Variants in SLC25A15 observed in about 807,000 individuals in gnomAD.
SLC25A15 encodes solute carrier family 25 member 15, also known as mitochondrial ornithine transporter 1.
Under a neutral mutation model 32.3 loss-of-function variants are expected in SLC25A15, and 24 were observed. The observed-to-expected ratio is 0.74, with a 90% confidence interval of 0.54 to 1.04. SLC25A15 has a LOEUF of 1.04. Ranked by LOEUF, SLC25A15 falls within the 50% of genes least tolerant of loss-of-function variation. SLC25A15 has a pLI of 0.00. For missense variants in SLC25A15, 317 were observed against 374.5 expected (o/e 0.85, Z 1.27); for synonymous variants, 132 against 142.1 (o/e 0.93, Z 0.51).
At position 40,810,635 on chromosome 13, in the gene SLC25A15, C is replaced by G. The variant is rs753226524; in HGVS notation, c.*968C>G. On this transcript the variant is annotated 3_prime_UTR_variant, in exon 7 of 7. Coordinates refer to ENST00000338625, the MANE Select transcript of SLC25A15 (RefSeq NM_014252.4). ...GCTCTACTCTTAAAATAGTGCCATT[C>G]ATTTTCTAGGTGGGATCATATTCCA... 1 of 414,560 alleles carries G rather than the reference C, an allele frequency of 2.4e-6. No homozygotes were observed. The highest frequency in any genetic ancestry group is 2.1e-5 in the African/African-American group (1 of 48,444). 25.7% of individuals were successfully genotyped at this position (414,560 alleles called of 1,614,324 possible). A position where few individuals can be genotyped will look rare whatever the true frequency, so the allele number is the denominator to read the frequency against.
At chr13:40,791,813 C>T (rs1247107519) in intron 1 of SLC25A15, among the ~76,000 whole-genome samples, 1 of 152,146 alleles carries the variant, frequency 6.6e-6, no homozygotes, top group Non-Finnish European at 1.5e-5. Flanking sequence ...GTTGTTGCCA[C>T]TGGTTTTAAA....
At chr13:40,808,839 A>G (rs561276907) in intron 6 of SLC25A15, among the ~76,000 whole-genome samples, 4 of 148,886 alleles carry the variant, frequency 2.7e-5, no homozygotes, top group African/African-American at 5.2e-5. Flanking sequence ...GGAGGCTGAG[A>G]CAGGAGAATG....
At chr13:40,791,719 T>G (rs891039185) in intron 1 of SLC25A15, among the ~76,000 whole-genome samples, 2 of 152,208 alleles carry the variant, frequency 1.3e-5, no homozygotes, top group Admixed American at 1.3e-4. Context: ...GCCTAGTGAA[T>G]GGTCCTGTCT....
At chr13:40,802,143 A>AG (rs1364405463) in intron 3 of SLC25A15, 1 of 152,276 alleles carries the variant, frequency 6.6e-6, no homozygotes, top group Non-Finnish European at 1.5e-5. Context: ...AGGTTAACAG[A>AG]GAGTCCCTGA....
intron 1 of SLC25A15, among the ~76,000 whole-genome samples, chr13:40,790,551 A>G (rs1881443028): frequency 1.3e-5 from 2 of 152,302 alleles, no homozygotes; most frequent in Admixed American, 6.5e-5. Context: ...ATCGTTTTCT[A>G]TCCTAATAAT....
chr13:40,797,542 T>G (rs928062200), intron 2 of SLC25A15, among the ~76,000 whole-genome samples: 1 of 152,128 alleles, frequency 6.6e-6, no homozygotes, highest in African/African-American at 2.4e-5. Flanking sequence ...TTCCACTAAT[T>G]CAGAATTGGG....
intron 5 of SLC25A15, 31 bp downstream of exon 5, chr13:40,807,494 T>C: frequency 6.2e-7 from 1 of 1,610,272 alleles, no homozygotes. Context: ...AGCAGTGGGG[T>C]GTGATGGTGT....
In SLC25A15 at chr13:40,807,294, T is replaced by A; in HGVS notation, c.453T>A (p.Asn151Lys). ...GCTATCTCTCTGTGTCTCCTCCCAG[T>A]ACAGTGTGGTCTGTCATCAAAAGTA... is the stretch of plus-strand genomic sequence containing the variant. ...ETSGKIAKSQ[N>K]TVWSVIKSIL... The change falls in exon 5 of 7, where the codon AAT (asparagine) becomes AAA (lysine). Residue 151 changes from asparagine (N) to lysine (K), a missense_variant and splice_region_variant. By Grantham distance (94) the Asn-to-Lys change is moderately conservative. Transcript: ENST00000338625. 6.2e-7 allele frequency: 1 copy of A among 1,614,078 alleles called. No homozygotes were observed. Among genetic ancestry groups the A allele is most frequent in the Non-Finnish European group, 8.5e-7 (1 of 1,179,944 alleles).
At chr13:40,795,585 C>T (rs1011504413) in intron 2 of SLC25A15, among the ~76,000 whole-genome samples, 2 of 152,014 alleles carry the variant, frequency 1.3e-5, no homozygotes, top group Non-Finnish European at 2.9e-5. Context: ...CGCCCCTCAC[C>T]GAGGTAGAGA....
At chr13:40,797,949 G>A (rs1881724391) in intron 2 of SLC25A15, among the ~76,000 whole-genome samples, 1 of 152,132 alleles carries the variant, frequency 6.6e-6, no homozygotes. Flanking sequence ...TTGTAGGGTG[G>A]TTACAGTTCA....
rs1882376827 is a variant in SLC25A15, at chr13:40,809,957, G to A, written c.*290G>A. ...AATTCAAAAGGTGGAATATAGTTCT[G>A]TCAGGGCTTTTACGTAAACCTCCAC... On this transcript the variant is annotated 3_prime_UTR_variant, in exon 7 of 7. Transcript: ENST00000338625. The A allele has an allele frequency of 4.8e-6, 2 of 417,182 alleles. No individual in the cohort carries two copies. Among genetic ancestry groups the A allele is most frequent in the South Asian group, 2.2e-5 (1 of 44,998 alleles). 25.8% of individuals were successfully genotyped at this position (417,182 alleles called of 1,614,324 possible).
intron 1 of SLC25A15, among the ~76,000 whole-genome samples, chr13:40,792,647 C>T (rs1881552596): frequency 6.6e-6 from 1 of 152,198 alleles, no homozygotes; most frequent in East Asian, 1.9e-4. Flanking sequence ...GCTGTAGAGG[C>T]TGAAGGAGCC....
rs187012713 is a variant in SLC25A15 at position 40,808,749 on chromosome 13, C to T, written c.781+153C>T. Among the ~76,000 whole-genome samples, 14 of 151,780 alleles carry T rather than the reference C, an allele frequency of 9.2e-5. No individual in the cohort carries two copies. The East Asian group carries it at 1.9e-3, about 21-fold the overall frequency. ...GAGATCGAGACCATCCTGGCTAACA[C>T]GGTGAAACCCCGTCTCTACTAAAAA... On this transcript the variant is annotated intron_variant, in intron 6 of 6. Transcript: ENST00000338625.
At chr13:40,803,046 C>G (rs961416651) in intron 3 of SLC25A15, among the ~76,000 whole-genome samples, 3 of 152,062 alleles carry the variant, frequency 2.0e-5, no homozygotes, top group Admixed American at 6.6e-5. Flanking sequence ...GTCAGGGAAC[C>G]AGTTCAGTCC....
chr13:40,798,944 G>T (rs1287036522), intron 2 of SLC25A15, 113 bp from the exon 3 acceptor site: 65 of 1,603,370 alleles, frequency 4.1e-5, no homozygotes, highest in Non-Finnish European at 5.3e-5. Context: ...GAGGAAAAGA[G>T]GTTGAAATGA....
chr13:40,805,072 A>G (rs1566123501), intron 3 of SLC25A15, 46 bp from the exon 4 acceptor site: 14 of 1,612,592 alleles, frequency 8.7e-6, no homozygotes, highest in Non-Finnish European at 7.6e-6. Context: ...TGAGTGCCAA[A>G]GGAATGAAGA....
intron 1 of SLC25A15, among the ~76,000 whole-genome samples, chr13:40,790,133 C>T (rs570215965): frequency 1.8e-4 from 28 of 152,298 alleles, no homozygotes; most frequent in African/African-American, 6.5e-4. Flanking sequence ...TGCATCTCCA[C>T]GCTTTACCTA....
rs2138060832 is a variant in SLC25A15 at position 40,810,466 on chromosome 13, G to C, written c.*799G>C. 6.6e-6 allele frequency among the ~76,000 whole-genome samples: 1 copy of C among 152,102 alleles called. No individual in the cohort carries two copies. The highest frequency in any genetic ancestry group is 2.1e-4 in the South Asian group (1 of 4,804). ...GTGTGAGCCACCATGCCCAGCCAGTGGTTGAATTTTTTAAAAAGTGTTCAT... is the reference window on the plus strand; with the variant it reads ...GTGTGAGCCACCATGCCCAGCCAGTCGTTGAATTTTTTAAAAAGTGTTCAT... On this transcript the variant is annotated 3_prime_UTR_variant, in exon 7 of 7. Transcript: ENST00000338625.
intron 1 of SLC25A15, among the ~76,000 whole-genome samples, chr13:40,792,947 T>A (rs1465440003): frequency 1.3e-5 from 2 of 152,250 alleles, no homozygotes; most frequent in Non-Finnish European, 2.9e-5. Flanking sequence ...TGCTGGTGGC[T>A]GTAGCATTGA....
Sources: gnomAD v4.1 joint callset for allele counts (sites outside exome capture counted in the v4.1 genomes callset) on GRCh38, gnomAD v4.1.1 for gene constraint, MANE v1.5 for transcripts, NCBI Gene and HGNC (gene_info 2026-07-23, HGNC 2026-07-21) for gene names.